The following MYBPC1 variants were observed in gnomAD, a reference collection of about 807,000 sequenced individuals.
MYBPC1 encodes the protein myosin-binding protein C, slow-type.
A neutral mutation model predicts 147.1 loss-of-function variants in MYBPC1; 52 were observed. The observed-to-expected ratio is 0.35, with a 90% confidence interval of 0.28 to 0.45. The LOEUF is 0.45. MYBPC1 is among the 20% of genes least tolerant of loss of function. The pLI is 1.00. For missense variants in MYBPC1, 1,228 were observed against 1,440.3 expected, an observed-to-expected ratio of 0.85 and a Z score of 2.39; for synonymous variants, 477 against 475.9, an observed-to-expected ratio of 1.00 and a Z score of -0.03.
chr12:101,682,989 C>T (rs766255006), intron 30 of MYBPC1, among the ~76,000 whole-genome samples: 2 of 152,132 alleles, frequency 1.3e-5, no homozygotes, highest in Non-Finnish European at 2.9e-5. Context: ...TTAATATTTT[C>T]ATTTTTTAAA....
At chr12:101,629,309 T>G (rs894100659) in intron 5 of MYBPC1, 125 bp from the exon 6 acceptor site, 25 of 722,920 alleles carry the variant, frequency 3.5e-5, no homozygotes, top group Non-Finnish European at 5.5e-5. Context: ...AGAATGATGT[T>G]GTATTTATCT....
rs554914047 is a variant in MYBPC1 at position 101,667,059 on chromosome 12, G to C, written c.2357-673G>C. On this transcript the variant is annotated intron_variant, in intron 22 of 31. Transcript: ENST00000361466. ...AGATGCTGAAACATTTGTAAGCCCT[G>C]AATGCTGGGTTAAAATTCTCTCGAT... Among the ~76,000 whole-genome samples, 3 of 152,246 alleles carry C rather than the reference G, an allele frequency of 2.0e-5. No homozygotes were observed. The East Asian group carries it at 5.8e-4, about 29-fold the overall frequency.
chr12:101,603,851 C>A (rs1258870178), intron 1 of MYBPC1, among the ~76,000 whole-genome samples: 1 of 152,160 alleles, frequency 6.6e-6, no homozygotes, highest in Non-Finnish European at 1.5e-5. Context: ...GCAGGAGATT[C>A]ACTTGAGCCC....
intron 1 of MYBPC1, 63 bp downstream of exon 1, chr12:101,595,158 T>C: frequency 7.2e-7 from 1 of 1,381,732 alleles, no homozygotes; most frequent in Non-Finnish European, 1.0e-6. Flanking sequence ...TTGGTATTTA[T>C]CTTCAAACAA....
At chr12:101,636,309 C>T (rs1283689108) in intron 9 of MYBPC1, among the ~76,000 whole-genome samples, 1 of 152,120 alleles carries the variant, frequency 6.6e-6, no homozygotes, top group Non-Finnish European at 1.5e-5. Flanking sequence ...AAGTTCTTTG[C>T]TTTTTACATA....
At chr12:101,652,634 TA>T (rs1163320361) in intron 16 of MYBPC1, 43 bp from the exon 17 acceptor site, 1 of 1,404,732 alleles carries the variant, frequency 7.1e-7, no homozygotes, top group Non-Finnish European at 1.0e-6. Flanking sequence ...ATATATAAAC[TA>T]GATCTTTGGA....
downstream of MYBPC1, among the ~76,000 whole-genome samples, chr12:101,688,733 G>A (rs1053544524): frequency 1.3e-5 from 2 of 152,076 alleles, no homozygotes; most frequent in African/African-American, 4.8e-5. Flanking sequence ...GACCAAGGCA[G>A]GCAGATCACT....
At chr12:101,664,333 G>C (rs1373018890) in intron 22 of MYBPC1, 1 of 152,142 alleles carries the variant, frequency 6.6e-6, no homozygotes, top group African/African-American at 2.4e-5. Context: ...TAACTAGAAA[G>C]GGATGACATT....
intron 8 of MYBPC1, among the ~76,000 whole-genome samples, chr12:101,633,449 G>A (rs1166690337): frequency 2.6e-5 from 4 of 152,234 alleles, no homozygotes; most frequent in Admixed American, 2.6e-4. Flanking sequence ...AGCACTTTGG[G>A]AGGCCGGGGC....
chr12:101,653,369 C>T (rs1894917537), intron 18 of MYBPC1, 121 bp downstream of exon 18: 1 of 1,308,108 alleles, frequency 7.6e-7, no homozygotes, highest in Admixed American at 2.0e-5. Flanking sequence ...TACAGCAGTA[C>T]AGTAAAGATG....
chr12:101,616,606 C>T lies in MYBPC1; in HGVS notation c.62-596C>T, dbSNP rs12316658. On this transcript the variant is annotated intron_variant, in intron 2 of 31. Coordinates refer to ENST00000361466, the MANE Select transcript of MYBPC1 (RefSeq NM_002465.4). ...TTTGCAGGTCTAAACTAATATGATCCCAAACACAGAGAAATGCAAACTAGA... is the reference window on the plus strand; with the variant it reads ...TTTGCAGGTCTAAACTAATATGATCTCAAACACAGAGAAATGCAAACTAGA... Among the ~76,000 whole-genome samples the T allele has an allele frequency of 2.4e-3, 358 of 152,146 alleles. 2 individuals carry two copies. The highest frequency in any genetic ancestry group is 8.1e-3 in the African/African-American group (337 of 41,500).
At chr12:101,681,589 TATA>T (rs1257278743) in intron 29 of MYBPC1, among the ~76,000 whole-genome samples, 16 of 30,810 alleles carry the variant, frequency 5.2e-4, no homozygotes, top group Admixed American at 1.2e-3. Flanking sequence ...TATATATATA[TATA>T]TTTTTTTTTT....
In MYBPC1 at chr12:101,677,370, G is replaced by C; in HGVS notation, c.3085G>C (p.Glu1029Gln). The part of the protein sequence containing the change: ...GLSEDATMTK[E>Q]SAVIARDGKI... ...CAGTGAGGATGCCACCATGACTAAAGAGAGTGCAGTGATCGCCAGGGATGG... is the reference window on the plus strand; with the variant it reads ...CAGTGAGGATGCCACCATGACTAAACAGAGTGCAGTGATCGCCAGGGATGG... Residue 1029 changes from glutamate (E) to glutamine (Q), a missense_variant, in exon 27 of 32, where the codon GAG becomes CAG. By Grantham distance (29) the Glu-to-Gln change is conservative. Around this residue, in one of 2 missense-constraint regions of MYBPC1, gnomAD observed 1,077 missense variants for 1,314.2 expected, o/e 0.82. Transcript: ENST00000361466. 6.2e-7 allele frequency: 1 copy of C among 1,614,034 alleles called. No homozygotes were observed. Among genetic ancestry groups the C allele is most frequent in the Non-Finnish European group, 8.5e-7 (1 of 1,179,978 alleles).
chr12:101,607,729 A>T (rs1404644854), intron 1 of MYBPC1, among the ~76,000 whole-genome samples: 2 of 152,232 alleles, frequency 1.3e-5, no homozygotes, highest in Non-Finnish European at 2.9e-5. Context: ...ATAGTTAAGT[A>T]GGTCAAATAA....
At chr12:101,614,716 T>C (rs1321374353) in intron 2 of MYBPC1, 185 bp downstream of exon 2, 2 of 649,138 alleles carry the variant, frequency 3.1e-6, no homozygotes, top group African/African-American at 3.6e-5. Context: ...TATATAATCC[T>C]CTTGTGTTAA....
intron 1 of MYBPC1, among the ~76,000 whole-genome samples, chr12:101,610,570 T>C (rs1338429618): frequency 6.6e-6 from 1 of 152,176 alleles, no homozygotes; most frequent in East Asian, 1.9e-4. Context: ...CCATGAAAAG[T>C]TAAAGTCTAT....
At chr12:101,694,916 T>C in the MYBPC1 span, among the ~76,000 whole-genome samples, 2 of 152,240 alleles carry the variant, frequency 1.3e-5, no homozygotes, top group Non-Finnish European at 2.9e-5. Flanking sequence ...AGTGGACATA[T>C]AAGTTATTTA....
rs1208296811 is a variant in MYBPC1 at position 101,682,651 on chromosome 12, G to A, written c.3481G>A (p.Gly1161Arg). The change falls in exon 30 of 32, where the codon GGG becomes AGG. Residue 1161 changes from glycine to arginine, a missense_variant. By Grantham distance (125) the Gly-to-Arg change is moderately radical. Coordinates refer to ENST00000361466, the MANE Select transcript of MYBPC1 (RefSeq NM_002465.4). ...CCCTGGACAACCAGTCTTCCTGGAG[G>A]GGCAGCAACAGGTTTAAAAAGTTTA... ...NTPGQPVFLE[G>R]QQQSLHNKDF 3 of 1,612,972 alleles carry A rather than the reference G, an allele frequency of 1.9e-6. No individual in the cohort carries two copies. The highest frequency in any genetic ancestry group is 2.5e-6 in the Non-Finnish European group (3 of 1,179,048).
At chr12:101,642,608 C>T (rs1285449353) in intron 11 of MYBPC1, 23 bp downstream of exon 11, 1 of 1,600,108 alleles carries the variant, frequency 6.2e-7, no homozygotes, top group South Asian at 1.1e-5. Context: ...GGGGGCGAGG[C>T]AGCGGCCGAG....
Sources: allele counts gnomAD v4.1 joint callset (sites outside exome capture counted in the v4.1 genomes callset), GRCh38; gene constraint gnomAD v4.1.1; regional missense constraint gnomAD v4.1.1; transcripts MANE v1.5; gene names NCBI Gene and HGNC (gene_info 2026-07-23, HGNC 2026-07-21).